Variants in SEMA6A observed in about 807,000 individuals in gnomAD.
SEMA6A encodes the protein semaphorin-6A.
A neutral mutation model predicts 96.8 loss-of-function variants in SEMA6A; 25 were observed. The ratio of observed to expected loss-of-function variants is 0.26; its 90% CI spans 0.19 to 0.36. SEMA6A has a LOEUF of 0.36. Among genes scored for constraint, SEMA6A ranks in the 10% least tolerant of loss-of-function variants. The pLI, the probability that SEMA6A is intolerant of heterozygous loss-of-function variation, is 1.00. For synonymous variants in SEMA6A, 612 were observed against 518.0 expected (o/e 1.18, Z -2.46); for missense variants, 1,363 against 1,323.1 (o/e 1.03, Z -0.47).
chr5:116,498,617 G>A (rs1290881024), intron 3 of SEMA6A: 2 of 152,062 alleles, frequency 1.3e-5, no homozygotes, highest in Non-Finnish European at 1.5e-5. Flanking sequence ...GGGTGGAGGA[G>A]TAGGGGCCTG....
intron 1 of SEMA6A, among the ~76,000 whole-genome samples, chr5:116,561,100 A>C (rs536331000): frequency 1.3e-5 from 2 of 152,310 alleles, no homozygotes; most frequent in South Asian, 4.1e-4. Flanking sequence ...GTGTGCTCTT[A>C]GGCAAATTAC....
At chr5:116,551,365 C>T (rs1760403095) in intron 1 of SEMA6A, among the ~76,000 whole-genome samples, 1 of 147,446 alleles carries the variant, frequency 6.8e-6, no homozygotes, top group South Asian at 2.1e-4. Flanking sequence ...CTCTTTGCAG[C>T]TCATCCTCTA....
In SEMA6A at chr5:116,447,233, A is replaced by T; in HGVS notation, c.2473T>A (p.Tyr825Asn). Reference sequence around the variant, plus strand: ...GGCTGGTCCACGTACTCATGCTGGTAGCCCTGCTGCGTGATGGGCAGGACC... The same window carrying T: ...GGCTGGTCCACGTACTCATGCTGGTTGCCCTGCTGCGTGATGGGCAGGACC... ...VVVLPITQQG[Y>N]QHEYVDQPKM... The change falls in exon 19 of 19, where the codon TAC becomes AAC. Residue 825 changes from tyrosine (Y) to asparagine (N), a missense_variant. Physicochemically the swap from Tyr to Asn is moderately radical, Grantham distance 143. This residue lies in a region of SEMA6A where 883 missense variants were observed against 763.6 expected (regional missense o/e 1.16). Transcript: ENST00000343348. 6.2e-7 allele frequency: 1 copy of T among 1,613,986 alleles called. No homozygotes were observed. Among genetic ancestry groups the T allele is most frequent in the Non-Finnish European group, 8.5e-7 (1 of 1,179,886 alleles).
rs977589851 is a variant in SEMA6A at position 116,478,240 on chromosome 5, A to G, written c.1428-86T>C. 4.7e-6 allele frequency: 7 copies of G among 1,474,596 alleles called. No homozygotes were observed. The South Asian group carries it at 8.8e-5, about 19-fold the overall frequency. 91.3% of individuals were successfully genotyped at this position (1,474,596 alleles called of 1,614,324 possible). A position where few individuals can be genotyped will look rare whatever the true frequency, so the allele number is the denominator to read the frequency against. ...CTCACATCCCACTTCCCAGCCCACA[A>G]GGCAATCTCTTAATCTAACTGGCGG... is the stretch of plus-strand genomic sequence containing the variant. On this transcript the variant is annotated intron_variant, in intron 13 of 18. Transcript: ENST00000343348.
intron 1 of SEMA6A, among the ~76,000 whole-genome samples, chr5:116,535,194 G>A (rs935800654): frequency 5.3e-5 from 8 of 152,330 alleles, no homozygotes; most frequent in South Asian, 4.1e-4. Flanking sequence ...GAAGGAGAAG[G>A]AAGTGGAGTG....
intron 1 of SEMA6A, among the ~76,000 whole-genome samples, chr5:116,516,824 G>C (rs1314274038): frequency 1.3e-5 from 2 of 152,186 alleles, no homozygotes; most frequent in Non-Finnish European, 2.9e-5. Flanking sequence ...AGGTTTGTTT[G>C]AATGTCTCTA....
chr5:116,514,089 G>A (rs1488254494), intron 1 of SEMA6A, among the ~76,000 whole-genome samples: 4 of 152,128 alleles, frequency 2.6e-5, no homozygotes, highest in Non-Finnish European at 5.9e-5. Context: ...GTGCTGCACT[G>A]AACATATACG....
At chr5:116,571,076 G>T (rs554837281) in intron 1 of SEMA6A, among the ~76,000 whole-genome samples, 1 of 152,166 alleles carries the variant, frequency 6.6e-6, no homozygotes, top group East Asian at 1.9e-4. Context: ...TGCACTTATT[G>T]CCGCCTTATC....
At position 116,447,068 on chromosome 5, in the gene SEMA6A, T is replaced by TG. The variant is rs749631581; in HGVS notation, c.2637dup (p.Lys880GlnfsTer36). ...AGGGAGGCCTCCCGCTGTGGAACTT[T>TG]GGGGGGCAGGCTGTCCAGGTTCTCC... On this transcript the variant is annotated frameshift_variant, in exon 19 of 19. Coordinates refer to ENST00000343348, the MANE Select transcript of SEMA6A (RefSeq NM_020796.5). LOFTEE classifies it high-confidence loss of function. 1 of 1,613,818 alleles carries TG rather than the reference T, an allele frequency of 6.2e-7. No homozygotes were observed. Among genetic ancestry groups the TG allele is most frequent in the Non-Finnish European group, 8.5e-7 (1 of 1,179,838 alleles).
At chr5:116,472,622 T>G in intron 17 of SEMA6A, 1 of 414,928 alleles carries the variant, frequency 2.4e-6, no homozygotes, top group East Asian at 4.4e-5. Flanking sequence ...AAGAACTCAT[T>G]AAATGTATTC....
chr5:116,475,446 G>A (rs1403671003), intron 16 of SEMA6A, 99 bp downstream of exon 16: 3 of 729,746 alleles, frequency 4.1e-6, no homozygotes, highest in South Asian at 2.0e-5. Context: ...ATGCTTTAGT[G>A]TCAGCTGCAC....
chr5:116,573,633 A>G (rs1237254565), intron 1 of SEMA6A, among the ~76,000 whole-genome samples: 1 of 151,772 alleles, frequency 6.6e-6, no homozygotes, highest in Admixed American at 6.6e-5. Flanking sequence ...AGCCCAGCCC[A>G]GACCCCACAC....
intron 18 of SEMA6A, among the ~76,000 whole-genome samples, chr5:116,452,946 C>G (rs1432302916): frequency 6.6e-6 from 1 of 152,248 alleles, no homozygotes; most frequent in Non-Finnish European, 1.5e-5. Context: ...AAGGCAAGTG[C>G]TTGCATACAA....
intron 1 of SEMA6A, among the ~76,000 whole-genome samples, chr5:116,530,840 A>G (rs1468608765): frequency 6.6e-6 from 1 of 152,202 alleles, no homozygotes; most frequent in Non-Finnish European, 1.5e-5. Flanking sequence ...TCTGCCCAAG[A>G]GGAATTTATT....
chr5:116,522,231 A>T (rs557744804), intron 1 of SEMA6A, among the ~76,000 whole-genome samples: 1 of 150,506 alleles, frequency 6.6e-6, no homozygotes, highest in Non-Finnish European at 1.5e-5. Context: ...TTTTATTGAC[A>T]ATATTTTTCT....
intron 1 of SEMA6A, among the ~76,000 whole-genome samples, chr5:116,530,497 C>T (rs1174778435): frequency 6.6e-6 from 1 of 151,914 alleles, no homozygotes; most frequent in South Asian, 2.1e-4. Context: ...TGTTCCATAC[C>T]GTATTAAGAT....
intron 1 of SEMA6A, among the ~76,000 whole-genome samples, chr5:116,514,170 G>A (rs144143596): frequency 0.017 from 2,632 of 152,246 alleles, 31 homozygotes; most frequent in Middle Eastern, 0.068. Context: ...TTGCTGGGTC[G>A]AATGGTATTT....
chr5:116,477,759 G>A, intron 15 of SEMA6A, 87 bp downstream of exon 15: 1 of 1,287,480 alleles, frequency 7.8e-7, no homozygotes, highest in South Asian at 1.2e-5. Context: ...GCTGTGTGGT[G>A]GTGTGTGTGA....
Position 116,488,156 on chromosome 5 carries a change from G to C in SEMA6A, c.696C>G (p.Ile232Met). 1 of 1,612,318 alleles carries C rather than the reference G, an allele frequency of 6.2e-7. No homozygotes were observed. Among genetic ancestry groups the C allele is most frequent in the Non-Finnish European group, 8.5e-7 (1 of 1,179,064 alleles). Reference protein sequence around the residue: ...FVQAVDYGDYIYFFFREIAVE... With the variant: ...FVQAVDYGDYMYFFFREIAVE... ...CTGCTATTTCCCTGAAGAAGAAGTA[G>C]ATATAATCTCCGTAATCCACGGCTT... is the stretch of plus-strand genomic sequence containing the variant. The change falls in exon 9 of 19, where the codon ATC becomes ATG. Residue 232 changes from isoleucine (I) to methionine (M), a missense_variant. Physicochemically the swap from Ile to Met is conservative, Grantham distance 10. This residue lies in a region of SEMA6A where 480 missense variants were observed against 559.5 expected (regional missense o/e 0.86). Coordinates refer to ENST00000343348, the MANE Select transcript of SEMA6A (RefSeq NM_020796.5).
Sources: allele counts gnomAD v4.1 joint callset (sites outside exome capture counted in the v4.1 genomes callset), GRCh38; gene constraint gnomAD v4.1.1; regional missense constraint gnomAD v4.1.1; transcripts MANE v1.5; gene names NCBI Gene and HGNC (gene_info 2026-07-23, HGNC 2026-07-21).